Variants in TCERG1L observed in about 807,000 individuals in gnomAD.
TCERG1L encodes the protein transcription elongation regulator 1 like.
In TCERG1L, 37 loss-of-function variants were observed where a neutral mutation model predicts 56.3. The observed-to-expected ratio is 0.66, with a 90% CI of 0.51 to 0.87. TCERG1L has a LOEUF of 0.87. Ranked by LOEUF, TCERG1L falls within the 40% of genes least tolerant of loss-of-function variation. TCERG1L has a pLI of 0.00. For synonymous variants in TCERG1L, 324 were observed against 326.3 expected (o/e 0.99, Z 0.08); for missense variants, 799 against 774.2 (o/e 1.03, Z -0.38).
intron 3 of TCERG1L, among the ~76,000 whole-genome samples, chr10:131,287,134 C>A (rs1429192479): frequency 6.6e-6 from 1 of 152,138 alleles, no homozygotes; most frequent in African/African-American, 2.4e-5. Flanking sequence ...GTGATGTTAG[C>A]ATTATATTTC....
chr10:131,163,193 C>T lies in TCERG1L; in HGVS notation c.963G>A (p.Leu321=). 1.9e-6 allele frequency: 3 copies of T among 1,556,604 alleles called. No individual in the cohort carries two copies. The highest frequency in any genetic ancestry group is 2.6e-6 in the Non-Finnish European group (3 of 1,150,652). Residue 321 remains leucine, a synonymous_variant, in exon 6 of 12, where the codon CTG becomes CTA. Coordinates refer to ENST00000368642, the MANE Select transcript of TCERG1L (RefSeq NM_174937.4). The part of the protein sequence containing the change: ...DKEDKEPPPM[L]GGGEDSTARG... ...TGGCTGTGCTGTCCTCTCCTCCCCCCAGCATCGGTGGAGGCTCCTTTCAAC... is the reference window on the plus strand; with the variant it reads ...TGGCTGTGCTGTCCTCTCCTCCCCCTAGCATCGGTGGAGGCTCCTTTCAAC...
chr10:131,225,275 A>G (rs1194714808), intron 4 of TCERG1L, among the ~76,000 whole-genome samples: 1 of 152,200 alleles, frequency 6.6e-6, no homozygotes, highest in East Asian at 1.9e-4. Context: ...TCAACATCCA[A>G]TTGCTAAGTC....
intron 4 of TCERG1L, among the ~76,000 whole-genome samples, chr10:131,206,114 C>G (rs1244522148): frequency 6.6e-6 from 1 of 152,228 alleles, no homozygotes; most frequent in Non-Finnish European, 1.5e-5. Flanking sequence ...GGAGAACTGG[C>G]TGGTGGCTCT....
intron 4 of TCERG1L, among the ~76,000 whole-genome samples, chr10:131,259,561 G>T (rs546097146): frequency 6.6e-6 from 1 of 152,174 alleles, no homozygotes; most frequent in African/African-American, 2.4e-5. Flanking sequence ...CTGTGAACAC[G>T]CAGGGACAAC....
At chr10:131,306,694 A>G in intron 3 of TCERG1L, among the ~76,000 whole-genome samples, 1 of 152,154 alleles carries the variant, frequency 6.6e-6, no homozygotes, top group Non-Finnish European at 1.5e-5. Context: ...AAAAATAGAT[A>G]CATCCAAAAA....
chr10:131,213,851 C>A (rs1316831682), intron 4 of TCERG1L, among the ~76,000 whole-genome samples: 1 of 152,182 alleles, frequency 6.6e-6, no homozygotes, highest in East Asian at 1.9e-4. Context: ...GGGAATAAAA[C>A]AAGAGCCCTG....
intron 3 of TCERG1L, among the ~76,000 whole-genome samples, chr10:131,298,543 A>T (rs1846722324): frequency 6.6e-6 from 1 of 152,012 alleles, no homozygotes; most frequent in Non-Finnish European, 1.5e-5. Flanking sequence ...CCTCCCAAGT[A>T]GCAGGTACTA....
chr10:131,270,763 T>C (rs539547100), intron 3 of TCERG1L, among the ~76,000 whole-genome samples: 1 of 152,350 alleles, frequency 6.6e-6, no homozygotes, highest in African/African-American at 2.4e-5. Context: ...CAAATGTCCA[T>C]TGTCCCTGTG....
At chr10:131,310,796 A>G (rs1479705367) in intron 1 of TCERG1L, among the ~76,000 whole-genome samples, 1 of 152,192 alleles carries the variant, frequency 6.6e-6, no homozygotes, top group Non-Finnish European at 1.5e-5. Context: ...AATTCTCTTA[A>G]GCATTGCCCT....
At chr10:131,296,289 T>C (rs571448426) in intron 3 of TCERG1L, among the ~76,000 whole-genome samples, 2 of 152,344 alleles carry the variant, frequency 1.3e-5, no homozygotes, top group African/African-American at 4.8e-5. Context: ...TTTTTATATG[T>C]AGTAAAATGT....
chr10:131,180,450 G>A (rs902335835), intron 4 of TCERG1L, among the ~76,000 whole-genome samples: 7 of 152,188 alleles, frequency 4.6e-5, no homozygotes, highest in African/African-American at 1.2e-4. Context: ...TTTCATTAAC[G>A]TAATAAAAAT....
intron 3 of TCERG1L, among the ~76,000 whole-genome samples, chr10:131,303,092 G>A (rs1171965825): frequency 2.0e-5 from 3 of 151,952 alleles, no homozygotes; most frequent in Non-Finnish European, 4.4e-5. Flanking sequence ...AAACATACGT[G>A]TGCATGTGTC....
chr10:131,166,607 C>T (rs1019733086), intron 5 of TCERG1L, among the ~76,000 whole-genome samples, 190 bp downstream of exon 5: 1 of 152,244 alleles, frequency 6.6e-6, no homozygotes, highest in East Asian at 1.9e-4. Context: ...CTGGCAGGAC[C>T]AGCAAGGGCT....
At chr10:131,236,623 C>T (rs1284880498) in intron 4 of TCERG1L, among the ~76,000 whole-genome samples, 3 of 152,226 alleles carry the variant, frequency 2.0e-5, no homozygotes, top group African/African-American at 7.2e-5. Context: ...ACAGCCATCC[C>T]CACTGGGTTG....
intron 4 of TCERG1L, among the ~76,000 whole-genome samples, chr10:131,187,081 T>C (rs953168760): frequency 1.3e-5 from 2 of 152,140 alleles, no homozygotes; most frequent in Non-Finnish European, 2.9e-5. Context: ...TCTGCCCCTG[T>C]ACAACAAGGC....
chr10:131,097,658 C>T (rs1395840291), intron 11 of TCERG1L, among the ~76,000 whole-genome samples: 2 of 152,202 alleles, frequency 1.3e-5, no homozygotes, highest in Non-Finnish European at 2.9e-5. Flanking sequence ...ATGTTCATTA[C>T]TTTTTAAAGA....
At chr10:131,290,694 T>C (rs113963317) in intron 3 of TCERG1L, among the ~76,000 whole-genome samples, 5,691 of 151,722 alleles carry the variant, frequency 0.038, 136 homozygotes, top group African/African-American at 0.057. Context: ...CTTTTGTCAC[T>C]GTAAGTGATG....
intron 9 of TCERG1L, among the ~76,000 whole-genome samples, chr10:131,107,579 G>C (rs541592947): frequency 2.6e-5 from 4 of 152,230 alleles, no homozygotes; most frequent in South Asian, 4.2e-4. Context: ...CTCCAGGTGG[G>C]CGCAGGACTT....
At chr10:131,182,118 G>A (rs889040116) in intron 4 of TCERG1L, among the ~76,000 whole-genome samples, 25 of 152,158 alleles carry the variant, frequency 1.6e-4, no homozygotes, top group Non-Finnish European at 3.2e-4. Context: ...ATGGGTGTGT[G>A]TGCACACAGG....
Sources: allele counts gnomAD v4.1 joint callset (sites outside exome capture counted in the v4.1 genomes callset), GRCh38; gene constraint gnomAD v4.1.1; transcripts MANE v1.5; gene names NCBI Gene and HGNC (gene_info 2026-07-23, HGNC 2026-07-21).